MYO3B: variants seen among roughly 807,000 people sequenced by gnomAD.
MYO3B encodes myosin-IIIb.
Under a neutral mutation model 174.6 loss-of-function variants are expected in MYO3B, and 156 were observed. The ratio of observed to expected loss-of-function variants is 0.89; its 90% confidence interval spans 0.78 to 1.02. The LOEUF (loss-of-function observed/expected upper bound fraction) is 1.02. MYO3B is among the 50% of genes least tolerant of loss of function. The pLI is 0.00. For missense variants in MYO3B, 1,632 were observed against 1,639.4 expected (o/e 1.00, Z 0.08); for synonymous variants, 563 against 569.1 (o/e 0.99, Z 0.15).
intron 7 of MYO3B, among the ~76,000 whole-genome samples, chr2:170,238,557 G>A (rs570838717): frequency 1.3e-5 from 2 of 152,294 alleles, no homozygotes; most frequent in East Asian, 1.9e-4. Flanking sequence ...AGAATACTGC[G>A]TGTGGCTTCT....
At chr2:170,499,874 C>T in intron 27 of MYO3B, 66 bp downstream of exon 27, 1 of 1,481,392 alleles carries the variant, frequency 6.8e-7, no homozygotes, top group South Asian at 1.3e-5. Context: ...CTGGGGAATA[C>T]TCAACTGTTT....
intron 32 of MYO3B, among the ~76,000 whole-genome samples, chr2:170,638,025 T>C (rs1439456254): frequency 6.6e-6 from 1 of 152,062 alleles, no homozygotes; most frequent in Non-Finnish European, 1.5e-5. Context: ...AGAAAAAAAT[T>C]ATATTTGTGA....
intron 7 of MYO3B, among the ~76,000 whole-genome samples, chr2:170,257,958 A>C (rs756503310): frequency 5.9e-5 from 9 of 152,184 alleles, no homozygotes; most frequent in Non-Finnish European, 1.3e-4. Context: ...ACAAACTAGA[A>C]AATCTAGAGG....
At chr2:170,451,989 G>T (rs1683617917) in intron 23 of MYO3B, among the ~76,000 whole-genome samples, 1 of 152,136 alleles carries the variant, frequency 6.6e-6, no homozygotes, top group Admixed American at 6.5e-5. Flanking sequence ...GGCCCATTTT[G>T]TAATCAGCCC....
At chr2:170,410,692 G>A (rs1395931870) in intron 22 of MYO3B, among the ~76,000 whole-genome samples, 1 of 151,106 alleles carries the variant, frequency 6.6e-6, no homozygotes, top group Non-Finnish European at 1.5e-5. Context: ...AAGAGGAGAA[G>A]ACGTTTGTTA....
At chr2:170,594,392 G>A (rs1694010363) in intron 32 of MYO3B, among the ~76,000 whole-genome samples, 1 of 152,184 alleles carries the variant, frequency 6.6e-6, no homozygotes, top group Non-Finnish European at 1.5e-5. Flanking sequence ...GCTTGCAGGG[G>A]ACAGCAGGAG....
rs1266812271 is a variant in MYO3B at position 170,621,507 on chromosome 2, G to GT, written c.3734-30114dup. Among the ~76,000 whole-genome samples, 5 of 138,610 alleles carry GT rather than the reference G, an allele frequency of 3.6e-5. No homozygotes were observed. The East Asian group carries it at 9.4e-4, about 26-fold the overall frequency. The allele number at this position is 138,610 out of a possible 152,430, so 90.9% of individuals were successfully genotyped here. ...TACTACCAACTGGAAATGTTTTTTT[G>GT]TTTTTTTGTTTTTTTGTTTTTGAGA... On this transcript the variant is annotated intron_variant, in intron 32 of 34. Coordinates refer to ENST00000408978, the MANE Select transcript of MYO3B (RefSeq NM_138995.5).
chr2:170,604,125 G>T (rs1278202694), intron 32 of MYO3B, among the ~76,000 whole-genome samples: 1 of 152,112 alleles, frequency 6.6e-6, no homozygotes, highest in African/African-American at 2.4e-5. Flanking sequence ...AGACAAAATT[G>T]TCTAGTGGCA....
rs753698932 is a variant in MYO3B at position 170,401,564 on chromosome 2, A to G, written c.2002A>G (p.Ile668Val). The G allele has an allele frequency of 1.9e-6, 3 of 1,614,172 alleles. No homozygotes were observed. Among genetic ancestry groups the G allele is most frequent in the Admixed American group, 3.3e-5 (2 of 60,026 alleles). Residue 668 changes from isoleucine (I) to valine (V), a missense_variant, in exon 18 of 35, where the codon ATC (isoleucine) becomes GTC (valine). Coordinates refer to ENST00000408978, the MANE Select transcript of MYO3B (RefSeq NM_138995.5). ...HCVVTRGETI[I>V]RANTVDRAAD... is the part of the protein sequence containing the mutation. ...TGTGGTCACCCGGGGCGAGACCATC[A>G]TCCGTGCCAACACTGTAGACAGGGC...
intron 29 of MYO3B, among the ~76,000 whole-genome samples, chr2:170,515,349 C>T (rs932003354): frequency 1.3e-5 from 2 of 152,178 alleles, no homozygotes; most frequent in Non-Finnish European, 2.9e-5. Flanking sequence ...GAGGCAGACT[C>T]TGACATGTTT....
At chr2:170,421,716 G>A (rs1182112678) in intron 22 of MYO3B, among the ~76,000 whole-genome samples, 1 of 152,122 alleles carries the variant, frequency 6.6e-6, no homozygotes, top group African/African-American at 2.4e-5. Flanking sequence ...CCCTGTTAAT[G>A]GTTTTCAGCC....
intron 30 of MYO3B, among the ~76,000 whole-genome samples, chr2:170,535,460 CT>C (rs982113274): frequency 2.0e-5 from 3 of 152,142 alleles, no homozygotes; most frequent in Admixed American, 6.5e-5. Context: ...AATCTGCCTC[CT>C]AGCAAATTTT....
At chr2:170,259,899 G>T (rs1036333582) in intron 7 of MYO3B, among the ~76,000 whole-genome samples, 9 of 151,596 alleles carry the variant, frequency 5.9e-5, no homozygotes, top group Admixed American at 5.9e-4. Context: ...TTAAAAAGTG[G>T]GCAAAGGACA....
At chr2:170,184,093 A>G (rs2092435627) in intron 1 of MYO3B, among the ~76,000 whole-genome samples, 1 of 152,032 alleles carries the variant, frequency 6.6e-6, no homozygotes, top group Non-Finnish European at 1.5e-5. Context: ...ATAGATGTAT[A>G]TATTTCTGGG....
intron 32 of MYO3B, among the ~76,000 whole-genome samples, chr2:170,586,490 T>C (rs1361024904): frequency 7.2e-5 from 11 of 152,224 alleles, no homozygotes; most frequent in Non-Finnish European, 4.4e-5. Context: ...ATTTAGAAAA[T>C]ATTTAGCAAT....
At chr2:170,307,911 GT>G in intron 7 of MYO3B, among the ~76,000 whole-genome samples, 1 of 152,224 alleles carries the variant, frequency 6.6e-6, no homozygotes, top group Admixed American at 6.5e-5. Flanking sequence ...TGGTGGGCAT[GT>G]CAGCCAGTCT....
chr2:170,351,685 G>A (rs971243883), intron 8 of MYO3B, among the ~76,000 whole-genome samples: 5 of 152,120 alleles, frequency 3.3e-5, no homozygotes, highest in Non-Finnish European at 7.4e-5. Flanking sequence ...CCCTTTCAGT[G>A]AGCCTGCCAA....
intron 30 of MYO3B, among the ~76,000 whole-genome samples, chr2:170,538,046 G>A (rs1000129935): frequency 2.0e-5 from 3 of 152,118 alleles, no homozygotes; most frequent in African/African-American, 7.2e-5. Flanking sequence ...TTAATAAAAA[G>A]TACACAAAGA....
At chr2:170,253,791 A>T (rs1471456434) in intron 7 of MYO3B, among the ~76,000 whole-genome samples, 1 of 151,604 alleles carries the variant, frequency 6.6e-6, no homozygotes, top group African/African-American at 2.4e-5. Context: ...AACTGTATCA[A>T]ATGCTCCTGA....
Sources: allele counts gnomAD v4.1 joint callset (sites outside exome capture counted in the v4.1 genomes callset), GRCh38; gene constraint gnomAD v4.1.1; transcripts MANE v1.5; gene names NCBI Gene and HGNC (gene_info 2026-07-23, HGNC 2026-07-21).